The following TEX264 variants were observed in gnomAD, a reference collection of about 807,000 sequenced individuals.
TEX264 encodes the protein testis-expressed protein 264.
In TEX264, 13 loss-of-function variants were observed where a neutral mutation model predicts 23.4. The ratio of observed to expected loss-of-function variants is 0.56; its 90% CI spans 0.36 to 0.88. TEX264 has a LOEUF of 0.88. Among genes scored for constraint, TEX264 ranks in the 40% least tolerant of loss-of-function variants. The pLI, the probability that TEX264 is intolerant of heterozygous loss-of-function variation, is 0.01. For synonymous variants in TEX264, 159 were observed against 170.0 expected (o/e 0.94, Z 0.50); for missense variants, 340 against 406.8 (o/e 0.84, Z 1.41).
chr3:51,693,923 G>A (rs1702925706), intron 3 of TEX264, among the ~76,000 whole-genome samples: 1 of 152,002 alleles, frequency 6.6e-6, no homozygotes, highest in African/African-American at 2.4e-5. Flanking sequence ...GTCACATAAT[G>A]GTGTTTTTAT....
At chr3:51,680,488 A>G (rs1373257923) in intron 2 of TEX264, among the ~76,000 whole-genome samples, 2 of 152,156 alleles carry the variant, frequency 1.3e-5, no homozygotes, top group East Asian at 3.9e-4. Context: ...CCTCCCAGTA[A>G]TGGGACTCAG....
intron 3 of TEX264, among the ~76,000 whole-genome samples, chr3:51,692,237 T>C (rs1420478917): frequency 6.6e-6 from 1 of 152,204 alleles, no homozygotes; most frequent in Admixed American, 6.5e-5. Flanking sequence ...GGAATTTACT[T>C]ATCAAAGAAG....
chr3:51,704,092 T>A lies in TEX264; in HGVS notation c.*76T>A. ...TCTCCAGCAGACTCTCCAGCCCTCT[T>A]CCTCCTTCCTCTGGGGGAGGAGGGG... is the stretch of plus-strand genomic sequence containing the variant. On this transcript the variant is annotated 3_prime_UTR_variant, in exon 5 of 5. Transcript: ENST00000341333. The A allele has an allele frequency of 7.9e-7, 1 of 1,265,788 alleles. No individual in the cohort carries two copies. The highest frequency in any genetic ancestry group is 1.0e-6 in the Non-Finnish European group (1 of 988,814). The allele number at this position is 1,265,788 out of a possible 1,614,324, so 78.4% of individuals were successfully genotyped here. A position where few individuals can be genotyped will look rare whatever the true frequency, so the allele number is the denominator to read the frequency against.
At chr3:51,687,642 G>A (rs1702670648) in intron 3 of TEX264, among the ~76,000 whole-genome samples, 1 of 152,200 alleles carries the variant, frequency 6.6e-6, no homozygotes, top group Admixed American at 6.5e-5. Context: ...CTTTGGCAGG[G>A]GTGAGAGAGG....
chr3:51,674,195 A>T lies in TEX264; in HGVS notation c.-34-76A>T, dbSNP rs1367107807. The stretch of plus-strand genomic sequence containing the variant: ...AAGGCAGGTCTGAGGAGGTTGGGCC[A>T]GAACTGGTTGGCGGGCAAGTGGGCA... On this transcript the variant is annotated intron_variant, in intron 1 of 4. Coordinates refer to ENST00000341333, the MANE Select transcript of TEX264 (RefSeq NM_015926.6). 8 of 1,529,400 alleles carry T rather than the reference A, an allele frequency of 5.2e-6. No homozygotes were observed. The African/African-American group carries it at 1.1e-4, about 21-fold the overall frequency. 94.7% of individuals were successfully genotyped at this position (1,529,400 alleles called of 1,614,324 possible). A position where few individuals can be genotyped will look rare whatever the true frequency, so the allele number is the denominator to read the frequency against.
intron 1 of TEX264, among the ~76,000 whole-genome samples, chr3:51,673,026 C>G (rs2106889036): frequency 6.6e-6 from 1 of 152,284 alleles, no homozygotes; most frequent in Non-Finnish European, 1.5e-5. Context: ...TAGAAATTTA[C>G]TTTGCCTCTT....
intron 2 of TEX264, among the ~76,000 whole-genome samples, chr3:51,676,567 C>T (rs1015302670): frequency 2.6e-5 from 4 of 152,144 alleles, no homozygotes; most frequent in Non-Finnish European, 5.9e-5. Flanking sequence ...CTAGCAGTCC[C>T]GAGTTCTGAT....
rs369579500 is a variant in TEX264 at position 51,703,823 on chromosome 3, G to A, written c.749G>A (p.Arg250His). The A allele has an allele frequency of 1.1e-5, 18 of 1,612,626 alleles. No homozygotes were observed. Among genetic ancestry groups the A allele is most frequent in the South Asian group, 5.5e-5 (5 of 91,060 alleles). ...ACACTGTCACCTGGGGCGAGCAGCCGTGGCTGGGATGACGGTGACACCCGC... is the reference window on the plus strand; with the variant it reads ...ACACTGTCACCTGGGGCGAGCAGCCATGGCTGGGATGACGGTGACACCCGC... ...AATLSPGASS[R>H]GWDDGDTRSE... The change falls in exon 5 of 5, where the codon CGT (arginine) becomes CAT (histidine). Residue 250 changes from arginine (R) to histidine (H), a missense_variant. Physicochemically the swap from Arg to His is conservative, Grantham distance 29. Transcript: ENST00000341333. This position sits in a 1 kb window ranked among gnomAD's most constrained non-coding sequence, Gnocchi z 4.8.
intron 3 of TEX264, among the ~76,000 whole-genome samples, chr3:51,688,074 G>C (rs1226778919): frequency 6.6e-6 from 1 of 152,188 alleles, no homozygotes; most frequent in East Asian, 1.9e-4. Context: ...GAATCCATGC[G>C]TACTGTGTGA....
rs770504011 is a variant in TEX264, at chr3:51,674,411, T to C, written c.107T>C (p.Val36Ala). ...TCAGGGCTACTGGCTGGGGTGGAAG[T>C]GAGTGCTGGGTCACCCCCCATCCGC... is the stretch of plus-strand genomic sequence containing the variant. ...GYSGLLAGVE[V>A]SAGSPPIRNV... The change falls in exon 2 of 5, where the codon GTG (valine) becomes GCG (alanine). Residue 36 changes from valine to alanine, a missense_variant. Transcript: ENST00000341333. 1 of 1,614,004 alleles carries C rather than the reference T, an allele frequency of 6.2e-7. No homozygotes were observed. Among genetic ancestry groups the C allele is most frequent in the Non-Finnish European group, 8.5e-7 (1 of 1,180,024 alleles).
At chr3:51,676,212 A>G (rs1402761161) in intron 2 of TEX264, among the ~76,000 whole-genome samples, 1 of 152,218 alleles carries the variant, frequency 6.6e-6, no homozygotes, top group African/African-American at 2.4e-5. Context: ...TGGCCCAGTC[A>G]GAGCCTTCTG....
chr3:51,686,163 T>C lies in TEX264; in HGVS notation c.480+1529T>C, dbSNP rs1191854797. 2.6e-5 allele frequency among the ~76,000 whole-genome samples: 4 copies of C among 152,122 alleles called. No homozygotes were observed. Among genetic ancestry groups the C allele is most frequent in the Non-Finnish European group, 4.4e-5 (3 of 68,036 alleles). On this transcript the variant is annotated intron_variant, in intron 3 of 4. Coordinates refer to ENST00000341333, the MANE Select transcript of TEX264 (RefSeq NM_015926.6). The surrounding 1 kb of genome is among the most constrained non-coding windows in gnomAD (Gnocchi z 4.1). ...GGAAAGGCTGGGCTGGTGGATATAT[T>C]TGGGGACATCAGCCTGTTGGCAGTA...
intron 4 of TEX264, among the ~76,000 whole-genome samples, chr3:51,700,165 C>A (rs1703238844): frequency 6.6e-6 from 1 of 152,188 alleles, no homozygotes; most frequent in African/African-American, 2.4e-5. Flanking sequence ...GGCTGGAAGG[C>A]TGCTTGCCTG....
At position 51,674,180 on chromosome 3, in the gene TEX264, T is replaced by A. The variant is rs532946473; in HGVS notation, c.-34-91T>A. 4.9e-5 allele frequency: 69 copies of A among 1,410,740 alleles called. 1 individual carries two copies. The African/African-American group carries it at 8.8e-4, about 18-fold the overall frequency. 87.4% of individuals were successfully genotyped at this position (1,410,740 alleles called of 1,614,324 possible). A position where few individuals can be genotyped will look rare whatever the true frequency, so the allele number is the denominator to read the frequency against. On this transcript the variant is annotated intron_variant, in intron 1 of 4. Coordinates refer to ENST00000341333, the MANE Select transcript of TEX264 (RefSeq NM_015926.6). ...TGGGTCAGAGCACCCAAGGCAGGTC[T>A]GAGGAGGTTGGGCCAGAACTGGTTG...
At chr3:51,684,702 T>A in intron 3 of TEX264, 68 bp downstream of exon 3, 1 of 1,501,260 alleles carries the variant, frequency 6.7e-7, no homozygotes, top group Non-Finnish European at 9.2e-7. Flanking sequence ...TGAGGAGGAC[T>A]GCCTAGAATG....
rs902168616 is a variant in TEX264 at position 51,693,449 on chromosome 3, A to C, written c.481-5957A>C. Among the ~76,000 whole-genome samples the C allele has an allele frequency of 2.1e-5, 3 of 140,474 alleles. No homozygotes were observed. In the East Asian group the frequency reaches 6.2e-4, roughly 29 times the overall value. The allele number at this position is 140,474 out of a possible 152,430, so 92.2% of individuals were successfully genotyped here. ...GCCCTGGGCTCGACCTAACCCCAAGAGGGCCATTATATCTCGTTTCCATTA... is the reference window on the plus strand; with the variant it reads ...GCCCTGGGCTCGACCTAACCCCAAGCGGGCCATTATATCTCGTTTCCATTA... On this transcript the variant is annotated intron_variant, in intron 3 of 4. Coordinates refer to ENST00000341333, the MANE Select transcript of TEX264 (RefSeq NM_015926.6).
intron 4 of TEX264, among the ~76,000 whole-genome samples, chr3:51,699,803 G>A (rs1703219003): frequency 6.6e-6 from 1 of 152,092 alleles, no homozygotes; most frequent in South Asian, 2.1e-4. Flanking sequence ...TTACCTCCTG[G>A]CAACACAGAT....
intron 3 of TEX264, among the ~76,000 whole-genome samples, chr3:51,688,355 C>T (rs568143901): frequency 1.3e-5 from 2 of 152,308 alleles, no homozygotes; most frequent in East Asian, 3.9e-4. Flanking sequence ...ATGGAACAGA[C>T]CAGGACTGAG....
At chr3:51,697,878 C>T (rs1436487110) in intron 3 of TEX264, among the ~76,000 whole-genome samples, 2 of 152,166 alleles carry the variant, frequency 1.3e-5, no homozygotes, top group Non-Finnish European at 2.9e-5. Context: ...GAGGAAGCCC[C>T]GAGGGCACCC....
Sources: gnomAD v4.1 joint callset for allele counts (sites outside exome capture counted in the v4.1 genomes callset) on GRCh38, gnomAD v4.1.1 for gene constraint, Gnocchi (gnomAD v3.1) non-coding constraint, MANE v1.5 for transcripts, NCBI Gene and HGNC (gene_info 2026-07-23, HGNC 2026-07-21) for gene names.